Variants in PRH1 observed in about 807,000 individuals in gnomAD.
PRH1 encodes the protein proline rich protein HaeIII subfamily 1.
Under a neutral mutation model 7.9 loss-of-function variants are expected in PRH1, and 7 were observed. The observed-to-expected ratio is 0.89, with a 90% CI of 0.50 to 1.67. The LOEUF is 1.67. PRH1 is among the 40% of genes most tolerant of loss of function. The pLI, the probability that PRH1 is intolerant of heterozygous loss-of-function variation, is 0.00. For synonymous variants in PRH1, 45 were observed against 80.8 expected, an observed-to-expected ratio of 0.56 and a Z score of 2.38; for missense variants, 109 against 223.6, an observed-to-expected ratio of 0.49 and a Z score of 3.27.
rs529289647 is a variant in PRH1 at position 10,988,749 on chromosome 12, C to T, written c.-125-15028G>A. ...CTCCATGCCACTCTCCAAGCCCCTA[C>T]ACCTTTCTTCACATACCCTGAGGAG... is the stretch of plus-strand genomic sequence containing the variant. On this transcript the variant is annotated intron_variant, in intron 1 of 3. Coordinates refer to the PRH1 transcript ENST00000539853. Among the ~76,000 whole-genome samples, 3 of 152,242 alleles carry T rather than the reference C, an allele frequency of 2.0e-5. No individual in the cohort carries two copies. The East Asian group carries it at 5.8e-4, about 29-fold the overall frequency.
At chr12:11,023,743 C>G in intron 1 of PRH1, among the ~76,000 whole-genome samples, 1 of 152,214 alleles carries the variant, frequency 6.6e-6, no homozygotes, top group East Asian at 1.9e-4. Context: ...AATGCCACTG[C>G]CTTATCTACC....
intron 1 of PRH1, among the ~76,000 whole-genome samples, chr12:11,102,425 A>C (rs36147394): frequency 0.45 from 69,111 of 151,950 alleles, 16,528 homozygotes; most frequent in Non-Finnish European, 0.53. Context: ...CAAACCTGAC[A>C]AAAACAAGAA....
intron 1 of PRH1, among the ~76,000 whole-genome samples, chr12:11,034,248 A>G (rs1265837657): frequency 2.8e-5 from 1 of 35,420 alleles, no homozygotes; most frequent in Non-Finnish European, 5.7e-5. Flanking sequence ...GAATTACTGT[A>G]ATGATTCATC....
chr12:10,884,065 C>A (rs577020639), intron 1 of PRH1, 89 bp downstream of exon 1: 1 of 1,506,904 alleles, frequency 6.6e-7, no homozygotes, highest in Non-Finnish European at 9.2e-7. Context: ...GTTTTCTCAT[C>A]CTCCTCTCTT....
intron 1 of PRH1, among the ~76,000 whole-genome samples, chr12:11,002,844 A>G (rs1002807834): frequency 2.0e-5 from 3 of 152,104 alleles, no homozygotes; most frequent in African/African-American, 4.8e-5. Flanking sequence ...GTGCACATGC[A>G]TAGTATTGTG....
At position 11,061,310 on chromosome 12, in the gene PRH1, T is replaced by C. The variant is rs137920081; in HGVS notation, n.124-14122A>G. The C allele has an allele frequency of 1.2e-5, 18 of 1,546,856 alleles. No homozygotes were observed. In the African/African-American group the frequency reaches 2.2e-4, roughly 19 times the overall value. ...AAACACAGTAAGAAATATAAAATGC[T>C]TCATATAACACGTTTGTTTTCTGCT... On this transcript the variant is annotated intron_variant and non_coding_transcript_variant, in intron 1 of 4. Coordinates refer to the PRH1 transcript ENST00000541977.
chr12:10,899,879 C>G (rs1214026066), intron 2 of PRH1, among the ~76,000 whole-genome samples: 3 of 151,982 alleles, frequency 2.0e-5, no homozygotes, highest in East Asian at 3.9e-4. Flanking sequence ...ATCAGGCACA[C>G]AAAGAAATAG....
At chr12:11,052,693 A>C (rs2900581) in intron 1 of PRH1, among the ~76,000 whole-genome samples, 3 of 150,254 alleles carry the variant, frequency 2.0e-5, no homozygotes, top group Non-Finnish European at 1.5e-5. Flanking sequence ...CTTTCTCTCT[A>C]TGCTTCATTC....
At chr12:10,920,494 C>T (rs1384486185) in intron 2 of PRH1, among the ~76,000 whole-genome samples, 2 of 152,018 alleles carry the variant, frequency 1.3e-5, no homozygotes, top group Non-Finnish European at 2.9e-5. Flanking sequence ...GAGACTTAGT[C>T]ATAATCAAAA....
chr12:11,090,579 AT>A (rs1456553698), intron 1 of PRH1, among the ~76,000 whole-genome samples: 1 of 106,890 alleles, frequency 9.4e-6, no homozygotes, highest in African/African-American at 3.1e-5. Flanking sequence ...TAGAGAAGGA[AT>A]TTTTTCCTAA....
Position 11,086,414 on chromosome 12 carries a change from G to T in PRH1, n.124-39226C>A, listed in dbSNP as rs1428784112. Among the ~76,000 whole-genome samples the T allele has an allele frequency of 9.4e-5, 11 of 117,416 alleles. 2 individuals carry two copies. The highest frequency in any genetic ancestry group is 2.6e-4 in the African/African-American group (9 of 35,116). The allele number at this position is 117,416 out of a possible 152,430, so 77.0% of individuals were successfully genotyped here. A position where few individuals can be genotyped will look rare whatever the true frequency, so the allele number is the denominator to read the frequency against. ...ATTTTTCCCTATTTAATTTATTTTT[G>T]ATTATGAAATGGTTTAAAATAGATG... On this transcript the variant is annotated intron_variant and non_coding_transcript_variant, in intron 1 of 4. Transcript: ENST00000541977.
At chr12:10,947,862 A>T (rs1950511786) in intron 2 of PRH1, among the ~76,000 whole-genome samples, 1 of 152,040 alleles carries the variant, frequency 6.6e-6, no homozygotes, top group Non-Finnish European at 1.5e-5. Flanking sequence ...ACCTGAAAAA[A>T]ATCTTCCTTC....
chr12:10,980,198 A>C (rs7979087), intron 1 of PRH1, among the ~76,000 whole-genome samples: 5,202 of 152,282 alleles, frequency 0.034, 299 homozygotes, highest in African/African-American at 0.12. Flanking sequence ...CTCATAATTC[A>C]TTGATCATGG....
intron 2 of PRH1, among the ~76,000 whole-genome samples, chr12:10,942,450 A>C (rs1036819694): frequency 3.9e-5 from 6 of 152,154 alleles, no homozygotes; most frequent in Non-Finnish European, 7.3e-5. Flanking sequence ...CCTAGAAGGA[A>C]GCTGCCTCTG....
intron 2 of PRH1, among the ~76,000 whole-genome samples, chr12:10,945,541 A>G (rs1270939147): frequency 6.6e-6 from 1 of 152,148 alleles, no homozygotes; most frequent in African/African-American, 2.4e-5. Context: ...ATGCTTCACT[A>G]GGTAATAAAA....
chr12:11,116,550 A>G (rs566616385), downstream of PRH1, among the ~76,000 whole-genome samples: 2 of 152,250 alleles, frequency 1.3e-5, no homozygotes, highest in Non-Finnish European at 2.9e-5. Flanking sequence ...ACAGAGGAAG[A>G]GGGAATACTT....
rs544178356 is a variant in PRH1, at chr12:11,128,071, A to G, written n.40-6891T>C. ...GCTTGCAGTGAGCCGAGATGGCGCC[A>G]CTGCACTCTAGCCTGGGCGACAGAG... On this transcript the variant is annotated intron_variant and non_coding_transcript_variant, in intron 1 of 1. Transcript: ENST00000541175. Among the ~76,000 whole-genome samples the G allele has an allele frequency of 2.1e-5, 3 of 143,280 alleles. No homozygotes were observed. In the East Asian group the frequency reaches 6.0e-4, roughly 29 times the overall value. The allele number at this position is 143,280 out of a possible 152,430, so 94.0% of individuals were successfully genotyped here.
chr12:11,101,485 G>A (rs543445383), intron 1 of PRH1, among the ~76,000 whole-genome samples: 4 of 151,706 alleles, frequency 2.6e-5, no homozygotes, highest in African/African-American at 9.7e-5. Context: ...GTCAGATCCT[G>A]TCTCAAAATA....
At chr12:10,909,147 A>G in intron 2 of PRH1, 5 of 1,614,016 alleles carry the variant, frequency 3.1e-6, no homozygotes, top group Non-Finnish European at 4.2e-6. Context: ...GGAGATTGCC[A>G]AGATAATGAG....
Sources: gnomAD v4.1 joint callset for allele counts (sites outside exome capture counted in the v4.1 genomes callset) on GRCh38, gnomAD v4.1.1 for gene constraint, MANE v1.5 for transcripts, NCBI Gene and HGNC (gene_info 2026-07-23, HGNC 2026-07-21) for gene names.